Variants in TUBD1 observed in about 807,000 individuals in gnomAD.
TUBD1 encodes tubulin delta chain.
Under a neutral mutation model 51.2 loss-of-function variants are expected in TUBD1, and 38 were observed. The ratio of observed to expected loss-of-function variants is 0.74; its 90% CI spans 0.57 to 0.97. The LOEUF (loss-of-function observed/expected upper bound fraction) is 0.97. Among genes scored for constraint, TUBD1 ranks in the 50% least tolerant of loss-of-function variants. The probability of loss-of-function intolerance (pLI) is 0.00; values close to 1 mark genes in which losing one functional copy is unlikely to be tolerated. For synonymous variants in TUBD1, 169 were observed against 178.2 expected, an observed-to-expected ratio of 0.95 and a Z score of 0.41; for missense variants, 489 against 538.4, an observed-to-expected ratio of 0.91 and a Z score of 0.91.
intron 6 of TUBD1, among the ~76,000 whole-genome samples, chr17:59,870,448 T>C (rs1209899524): frequency 6.7e-6 from 1 of 148,996 alleles, no homozygotes; most frequent in African/African-American, 2.5e-5. Flanking sequence ...AAAAATCTAT[T>C]TGAGAAGCAG....
At chr17:59,862,527 A>G (rs2039499344) in intron 8 of TUBD1, among the ~76,000 whole-genome samples, 1 of 151,596 alleles carries the variant, frequency 6.6e-6, no homozygotes, top group East Asian at 1.9e-4. Context: ...CAAGAATCTT[A>G]TGTTTTTTAA....
chr17:59,873,855 A>G (rs952355591), intron 6 of TUBD1, among the ~76,000 whole-genome samples: 1 of 150,912 alleles, frequency 6.6e-6, no homozygotes, highest in African/African-American at 2.4e-5. Context: ...ACAGAGCGAG[A>G]TTCCATCTCA....
intron 4 of TUBD1, 141 bp from the exon 5 acceptor site, chr17:59,878,475 C>T (rs569374978): frequency 5.2e-6 from 3 of 582,184 alleles, no homozygotes; most frequent in African/African-American, 3.8e-5. Context: ...TTTTTAATCT[C>T]TATGCTCAGT....
chr17:59,885,878 T>G (rs556746193), intron 3 of TUBD1, among the ~76,000 whole-genome samples: 1 of 152,200 alleles, frequency 6.6e-6, no homozygotes, highest in Non-Finnish European at 1.5e-5. Flanking sequence ...CTGAAAGATA[T>G]CCTTCATTTC....
At chr17:59,877,997 C>G (rs2144520185) in intron 5 of TUBD1, 106 bp downstream of exon 5, 2 of 860,196 alleles carry the variant, frequency 2.3e-6, no homozygotes, top group Middle Eastern at 2.3e-4. Context: ...TTGAGATGAG[C>G]AAGACTTAAG....
intron 3 of TUBD1, among the ~76,000 whole-genome samples, chr17:59,882,055 A>G (rs1188708598): frequency 3.3e-5 from 5 of 150,704 alleles, no homozygotes; most frequent in Non-Finnish European, 7.4e-5. Flanking sequence ...TATTTCTTCT[A>G]ACTGTATTTT....
At chr17:59,891,518 G>A (rs1451718666) in intron 1 of TUBD1, among the ~76,000 whole-genome samples, 1 of 152,162 alleles carries the variant, frequency 6.6e-6, no homozygotes, top group African/African-American at 2.4e-5. Context: ...GTCATTCAAG[G>A]AAGTTCTCAT....
intron 6 of TUBD1, among the ~76,000 whole-genome samples, chr17:59,869,813 T>C (rs769834789): frequency 2.0e-5 from 3 of 152,160 alleles, no homozygotes; most frequent in Admixed American, 1.3e-4. Context: ...TGGTATAATA[T>C]ATGCTATTAA....
intron 1 of TUBD1, chr17:59,892,067 T>C (rs1160305564): frequency 6.6e-6 from 1 of 152,250 alleles, no homozygotes; most frequent in Non-Finnish European, 1.5e-5. Flanking sequence ...CATGAACATG[T>C]AGAACACAGA....
At chr17:59,874,045 CG>C (rs1283794982) in intron 6 of TUBD1, among the ~76,000 whole-genome samples, 2 of 151,060 alleles carry the variant, frequency 1.3e-5, no homozygotes, top group African/African-American at 4.9e-5. Context: ...AAAAATTAGC[CG>C]GGCGTGGTGG....
At chr17:59,878,604 C>T (rs2040336705) in intron 4 of TUBD1, 4 of 318,204 alleles carry the variant, frequency 1.3e-5, no homozygotes, top group Admixed American at 4.7e-5. Flanking sequence ...GTCTCAGCCC[C>T]GAGCAGCTGG....
rs1464615319 is a variant in TUBD1 at position 59,859,821 on chromosome 17, A to C, written c.*501T>G. ...AGTTCCAGAGTCCCAACATTTCAGC[A>C]AAGTGTTTCCCCAAAGTTCTTTATA... On this transcript the variant is annotated 3_prime_UTR_variant, in exon 9 of 9. Coordinates refer to ENST00000325752, the MANE Select transcript of TUBD1 (RefSeq NM_016261.4). The C allele has an allele frequency of 6.6e-6, 1 of 152,198 alleles. No homozygotes were observed. Among genetic ancestry groups the C allele is most frequent in the African/African-American group, 2.4e-5 (1 of 41,424 alleles). 9.4% of individuals were successfully genotyped at this position (152,198 alleles called of 1,614,324 possible). A position where few individuals can be genotyped will look rare whatever the true frequency, so the allele number is the denominator to read the frequency against.
rs1217187049 is a variant in TUBD1 at position 59,860,202 on chromosome 17, G to C, written c.*120C>G. 4 of 715,372 alleles carry C rather than the reference G, an allele frequency of 5.6e-6. No individual in the cohort carries two copies. Among genetic ancestry groups the C allele is most frequent in the Non-Finnish European group, 9.0e-6 (4 of 442,906 alleles). 44.3% of individuals were successfully genotyped at this position (715,372 alleles called of 1,614,324 possible). ...GGCTAATTTTTTGTATTTTCTGGTA[G>C]AGACGGTGTTTCACCGTGTTAGCCA... On this transcript the variant is annotated 3_prime_UTR_variant, in exon 9 of 9. Transcript: ENST00000325752.
At chr17:59,889,042 A>G (rs1478675696) in intron 2 of TUBD1, among the ~76,000 whole-genome samples, 1 of 102,334 alleles carries the variant, frequency 9.8e-6, no homozygotes, top group Non-Finnish European at 1.8e-5. Flanking sequence ...TTGAGACGGC[A>G]TCTCGCTCTA....
At chr17:59,862,454 G>A (rs2039496106) in intron 8 of TUBD1, among the ~76,000 whole-genome samples, 1 of 152,072 alleles carries the variant, frequency 6.6e-6, no homozygotes, top group African/African-American at 2.4e-5. Context: ...ACATTTCTTA[G>A]TATCAAACCA....
At chr17:59,884,279 A>T (rs111275832) in intron 3 of TUBD1, among the ~76,000 whole-genome samples, 143 of 149,486 alleles carry the variant, frequency 9.6e-4, no homozygotes, top group East Asian at 2.0e-3. Flanking sequence ...AAAAAAAAAA[A>T]TTTTGCTGCA....
intron 2 of TUBD1, among the ~76,000 whole-genome samples, chr17:59,889,136 C>A (rs2040868545): frequency 6.7e-6 from 1 of 150,228 alleles, no homozygotes; most frequent in Admixed American, 6.7e-5. Flanking sequence ...GCCTCACCCT[C>A]CCGAATAACT....
intron 8 of TUBD1, among the ~76,000 whole-genome samples, chr17:59,861,488 C>CA (rs2144405969): frequency 6.6e-6 from 1 of 151,996 alleles, no homozygotes; most frequent in East Asian, 1.9e-4. Flanking sequence ...CGTGAGCCAC[C>CA]ATGCCTGGCT....
chr17:59,872,629 T>C (rs1187484089), intron 6 of TUBD1, among the ~76,000 whole-genome samples: 1 of 148,410 alleles, frequency 6.7e-6, no homozygotes, highest in African/African-American at 2.5e-5. Context: ...TGAAGGTAAT[T>C]GTGTTTGTAT....
Sources: allele counts gnomAD v4.1 joint callset (sites outside exome capture counted in the v4.1 genomes callset), GRCh38; gene constraint gnomAD v4.1.1; transcripts MANE v1.5; gene names NCBI Gene and HGNC (gene_info 2026-07-23, HGNC 2026-07-21).